YEATS2: variants seen among roughly 807,000 people sequenced by gnomAD.
YEATS2 encodes YEATS domain containing 2, also known as YEATS domain-containing protein 2.
A neutral mutation model predicts 163.2 loss-of-function variants in YEATS2; 77 were observed. That is an observed-to-expected ratio of 0.47 (90% CI 0.39 to 0.57). The LOEUF (loss-of-function observed/expected upper bound fraction) is 0.57, where lower values mean the gene tolerates loss of function less well. YEATS2 is among the 20% of genes least tolerant of loss of function. YEATS2 has a pLI of 0.00. For synonymous variants in YEATS2, 631 were observed against 645.1 expected, an observed-to-expected ratio of 0.98 and a Z score of 0.33; for missense variants, 1,549 against 1,729.8, an observed-to-expected ratio of 0.90 and a Z score of 1.85.
intron 11 of YEATS2, 40 bp downstream of exon 11, chr3:183,754,405 T>G: frequency 6.4e-7 from 1 of 1,554,272 alleles, no homozygotes; most frequent in Non-Finnish European, 8.7e-7. Flanking sequence ...TGGAGTTGAC[T>G]GGATGTTAAA....
At chr3:183,737,176 G>A (rs532144151) in intron 8 of YEATS2, among the ~76,000 whole-genome samples, 24 of 152,118 alleles carry the variant, frequency 1.6e-4, no homozygotes, top group Non-Finnish European at 7.4e-5. Context: ...CTTTATCCTC[G>A]CCATCTTCAC....
At chr3:183,773,424 G>A (rs1287539689) in intron 16 of YEATS2, among the ~76,000 whole-genome samples, 1 of 152,150 alleles carries the variant, frequency 6.6e-6, no homozygotes, top group African/African-American at 2.4e-5. Context: ...AAGAGCCTCT[G>A]GCAGGCTCTT....
chr3:183,718,119 C>G (rs1006318896), intron 3 of YEATS2, among the ~76,000 whole-genome samples: 1 of 151,954 alleles, frequency 6.6e-6, no homozygotes, highest in Non-Finnish European at 1.5e-5. Context: ...CCCATTTACC[C>G]GGATGTGATT....
chr3:183,803,244 T>C lies in YEATS2; in HGVS notation c.3503-12T>C, dbSNP rs750579369. 3 of 1,611,028 alleles carry C rather than the reference T, an allele frequency of 1.9e-6. No individual in the cohort carries two copies. The East Asian group carries it at 6.7e-5, about 36-fold the overall frequency. On this transcript the variant is annotated splice_polypyrimidine_tract_variant and intron_variant, in intron 25 of 30. Transcript: ENST00000305135. ...AGCTTTATTCAGGCTTTGCTGGGTGTGTGCATTCTAGGTGAAGATGCCAGC... is the reference window on the plus strand; with the variant it reads ...AGCTTTATTCAGGCTTTGCTGGGTGCGTGCATTCTAGGTGAAGATGCCAGC...
At chr3:183,759,284 C>T (rs1260837523) in intron 13 of YEATS2, among the ~76,000 whole-genome samples, 1 of 152,196 alleles carries the variant, frequency 6.6e-6, no homozygotes, top group African/African-American at 2.4e-5. Context: ...TACTAACTTA[C>T]TTGGATCTAC....
Position 183,775,970 on chromosome 3 carries a change from AGG to A in YEATS2, c.2425_2426del (p.Gly809ArgfsTer118), listed in dbSNP as rs1722951083. 5 of 1,607,808 alleles carry A rather than the reference AGG, an allele frequency of 3.1e-6. No individual in the cohort carries two copies. The highest frequency in any genetic ancestry group is 4.2e-6 in the Non-Finnish European group (5 of 1,176,750). ...GGAGTGGTGCCGGAGGAGGAGGAGGAGGAGGAGGAGGAGGCGGCAGTGGCAGC... is the reference window on the plus strand; with the variant it reads ...GGAGTGGTGCCGGAGGAGGAGGAGGAAGGAGGAGGAGGCGGCAGTGGCAGC... ...GGSGAGGGGGGGGGGGSGSGG... is the reference protein window; with the variant it reads ...GGSGAGGGGGXGGGGGSGSGG... On this transcript the variant is annotated frameshift_variant, in exon 18 of 31. Coordinates refer to ENST00000305135, the MANE Select transcript of YEATS2 (RefSeq NM_018023.5). LOFTEE classifies it high-confidence loss of function.
chr3:183,699,124 G>A (rs1047970361), intron 1 of YEATS2, among the ~76,000 whole-genome samples: 4 of 152,120 alleles, frequency 2.6e-5, no homozygotes, highest in African/African-American at 7.2e-5. Context: ...GTGGCAGGGA[G>A]ATGGGGAAGT....
Position 183,746,714 on chromosome 3 carries a change from C to T in YEATS2, c.925-958C>T, listed in dbSNP as rs140517095. On this transcript the variant is annotated intron_variant, in intron 8 of 30. Transcript: ENST00000305135. ...AGCTAAGGTTTAAATATTAAAACTC[C>T]AGATTTCTTCCATGGAACCACTATT... 3.4e-3 allele frequency among the ~76,000 whole-genome samples: 510 copies of T among 150,544 alleles called. 2 individuals carry two copies. Among genetic ancestry groups the T allele is most frequent in the Middle Eastern group, 6.8e-3 (2 of 294 alleles).
intron 11 of YEATS2, among the ~76,000 whole-genome samples, chr3:183,755,305 C>T (rs1259378820): frequency 2.0e-5 from 3 of 152,052 alleles, no homozygotes; most frequent in Admixed American, 1.3e-4. Flanking sequence ...TTAGTAGAGA[C>T]GGAGTTTCAC....
At position 183,755,769 on chromosome 3, in the gene YEATS2, T is replaced by TC. The variant is rs1553871724; in HGVS notation, c.1391-759_1391-758insC. Reference sequence around the variant, plus strand: ...TTTTTTTTTTTTTTTTTTTTTTTTTTTGAGACAGAGTTTTGCTCTTGTTGC... The same window carrying TC: ...TTTTTTTTTTTTTTTTTTTTTTTTTTCTGAGACAGAGTTTTGCTCTTGTTGC... On this transcript the variant is annotated intron_variant, in intron 11 of 30. Coordinates refer to ENST00000305135, the MANE Select transcript of YEATS2 (RefSeq NM_018023.5). Among the ~76,000 whole-genome samples, 71 of 103,912 alleles carry TC rather than the reference T, an allele frequency of 6.8e-4. No homozygotes were observed. In the East Asian group the frequency reaches 7.8e-3, roughly 11 times the overall value. The allele number at this position is 103,912 out of a possible 152,430, so 68.2% of individuals were successfully genotyped here.
intron 16 of YEATS2, among the ~76,000 whole-genome samples, chr3:183,773,039 G>A (rs185509293): frequency 8.7e-4 from 132 of 152,268 alleles, no homozygotes; most frequent in African/African-American, 2.8e-3. Flanking sequence ...TTGTTACACT[G>A]TGTTGTTTAA....
rs1343371304 is a variant in YEATS2, at chr3:183,761,543, T to C, written c.1693T>C (p.Cys565Arg). 6.2e-7 allele frequency: 1 copy of C among 1,614,086 alleles called. No individual in the cohort carries two copies. Among genetic ancestry groups the C allele is most frequent in the African/African-American group, 1.3e-5 (1 of 74,944 alleles). Reference protein sequence around the residue: ...DSLFASMPPLCPIGSHPKVQS... With the variant: ...DSLFASMPPLRPIGSHPKVQS... ...TTTGTTTGCATCTATGCCACCTCTT[T>C]GCCCAATTGGGAGTCACCCTAAGGT... Residue 565 changes from cysteine (C) to arginine (R), a missense_variant, in exon 14 of 31, where the codon TGC becomes CGC. By Grantham distance (180) the Cys-to-Arg change is radical. Transcript: ENST00000305135.
intron 1 of YEATS2, among the ~76,000 whole-genome samples, chr3:183,699,065 A>G (rs553874951): frequency 1.1e-4 from 17 of 152,236 alleles, no homozygotes; most frequent in Non-Finnish European, 2.4e-4. Context: ...CTGGGGAGGA[A>G]CCTACGAGGT....
intron 15 of YEATS2, among the ~76,000 whole-genome samples, chr3:183,763,292 A>G (rs929916534): frequency 2.6e-5 from 4 of 152,174 alleles, no homozygotes; most frequent in Middle Eastern, 3.2e-3. Flanking sequence ...GCATGTTACT[A>G]TTGAATACTA....
intron 15 of YEATS2, among the ~76,000 whole-genome samples, chr3:183,765,680 T>C (rs1367935513): frequency 6.6e-6 from 1 of 152,092 alleles, no homozygotes; most frequent in African/African-American, 2.4e-5. Context: ...GGGTGTGTGG[T>C]TCATGCTTGT....
intron 10 of YEATS2, among the ~76,000 whole-genome samples, chr3:183,753,475 G>C (rs1162712880): frequency 6.6e-6 from 1 of 152,110 alleles, no homozygotes; most frequent in African/African-American, 2.4e-5. Flanking sequence ...GGCCGGGCAC[G>C]GTGGCTCATG....
chr3:183,754,342 C>A lies in YEATS2; in HGVS notation c.1367C>A (p.Thr456Asn). Residue 456 changes from threonine (T) to asparagine (N), a missense_variant, in exon 11 of 31, where the codon ACC becomes AAC. Transcript: ENST00000305135. ...CCTGGAAAATCCTTCCAGCCCATCACCATGAGCTGCAAGATTGTGTCAGGT... is the reference window on the plus strand; with the variant it reads ...CCTGGAAAATCCTTCCAGCCCATCAACATGAGCTGCAAGATTGTGTCAGGT... ...ESPGKSFQPI[T>N]MSCKIVSGSP... 6.2e-7 allele frequency: 1 copy of A among 1,613,804 alleles called. No individual in the cohort carries two copies. The highest frequency in any genetic ancestry group is 8.5e-7 in the Non-Finnish European group (1 of 1,179,752).
chr3:183,812,217 CAG>C lies in YEATS2; in HGVS notation c.*1637_*1638del, dbSNP rs1432584302. 5 of 152,228 alleles carry C rather than the reference CAG, an allele frequency of 3.3e-5. No homozygotes were observed. Among genetic ancestry groups the C allele is most frequent in the Non-Finnish European group, 5.9e-5 (4 of 68,064 alleles). 9.4% of individuals were successfully genotyped at this position (152,228 alleles called of 1,614,324 possible). On this transcript the variant is annotated 3_prime_UTR_variant, in exon 31 of 31. Transcript: ENST00000305135. ...TACCACTGCACTCCAGCCCTGGTGACAGAGGAGACCCCGTCTCAAAAATTGAT... is the reference window on the plus strand; with the variant it reads ...TACCACTGCACTCCAGCCCTGGTGACAGGAGACCCCGTCTCAAAAATTGAT...
rs187442900 is a variant in YEATS2 at position 183,807,353 on chromosome 3, G to A, written c.4011+261G>A. On this transcript the variant is annotated intron_variant, in intron 28 of 30. Coordinates refer to ENST00000305135, the MANE Select transcript of YEATS2 (RefSeq NM_018023.5). ...AAAACATTGCTTGTTGAACGCAGAC[G>A]TGAAGCAAAGCTGGCTAGATAGAAA... The A allele has an allele frequency of 7.4e-4, 322 of 437,496 alleles. 2 individuals are homozygous for A. Among genetic ancestry groups the A allele is most frequent in the African/African-American group, 5.7e-3 (287 of 50,462 alleles). The allele number at this position is 437,496 out of a possible 1,614,324, so 27.1% of individuals were successfully genotyped here. A position where few individuals can be genotyped will look rare whatever the true frequency, so the allele number is the denominator to read the frequency against.
Sources: gnomAD v4.1 joint callset for allele counts (sites outside exome capture counted in the v4.1 genomes callset) on GRCh38, gnomAD v4.1.1 for gene constraint, MANE v1.5 for transcripts, NCBI Gene and HGNC (gene_info 2026-07-23, HGNC 2026-07-21) for gene names.